Variants in EIF3A observed in about 807,000 individuals in gnomAD.
EIF3A encodes the protein eukaryotic translation initiation factor 3 subunit A, also known as EIF3, p180 subunit.
A neutral mutation model predicts 186.6 loss-of-function variants in EIF3A; 21 were observed. That is an observed-to-expected ratio of 0.11 (90% confidence interval 0.08 to 0.16). The LOEUF is 0.16. Among genes scored for constraint, EIF3A ranks in the 10% least tolerant of loss-of-function variants. The pLI is 1.00. For missense variants in EIF3A, 1,306 were observed against 1,796.3 expected, an observed-to-expected ratio of 0.73 and a Z score of 4.93; for synonymous variants, 563 against 584.3, an observed-to-expected ratio of 0.96 and a Z score of 0.52.
chr10:119,079,414 G>T (rs1228364939), intron 1 of EIF3A, among the ~76,000 whole-genome samples: 1 of 152,152 alleles, frequency 6.6e-6, no homozygotes, highest in Non-Finnish European at 1.5e-5. Flanking sequence ...ATTTTCATAA[G>T]ATGAATTTTC....
Position 119,058,317 on chromosome 10 carries a change from T to G in EIF3A, c.1630-14A>C, listed in dbSNP as rs897612253. On this transcript the variant is annotated splice_polypyrimidine_tract_variant and intron_variant, in intron 11 of 21. Transcript: ENST00000369144. ...TTCTTTCTCTTGCTTCAAAAACAAA[T>G]GAATTTTTTTACATGACCAAAATTA... 4 of 1,528,598 alleles carry G rather than the reference T, an allele frequency of 2.6e-6. 1 individual carries two copies. The Admixed American group carries it at 8.9e-5, about 34-fold the overall frequency. The allele number at this position is 1,528,598 out of a possible 1,614,324, so 94.7% of individuals were successfully genotyped here.
rs1046652937 is a variant in EIF3A, at chr10:119,062,971, G to A, written c.1123-1643C>T. Among the ~76,000 whole-genome samples, 10 of 151,078 alleles carry A rather than the reference G, an allele frequency of 6.6e-5. No homozygotes were observed. The East Asian group carries it at 9.7e-4, about 15-fold the overall frequency. On this transcript the variant is annotated intron_variant, in intron 7 of 21. Coordinates refer to ENST00000369144, the MANE Select transcript of EIF3A (RefSeq NM_003750.4). The stretch of plus-strand genomic sequence containing the variant: ...GGGTTTCACCACGATGGCCAAGCTC[G>A]TTTCAAACTCCTGACCTGAAGTGAT...
At chr10:119,061,473 T>C (rs1353129361) in intron 7 of EIF3A, 145 bp from the exon 8 acceptor site, 4 of 459,262 alleles carry the variant, frequency 8.7e-6, no homozygotes, top group Non-Finnish European at 1.6e-5. Flanking sequence ...TTACCAAAAA[T>C]GAATCCAAAG....
chr10:119,053,309 A>G (rs1463929686), intron 14 of EIF3A, among the ~76,000 whole-genome samples: 1 of 152,158 alleles, frequency 6.6e-6, no homozygotes, highest in East Asian at 1.9e-4. Context: ...ATTAACCCCT[A>G]AACAGTGAGC....
In EIF3A at chr10:119,038,332, C is replaced by G; in HGVS notation, c.3634G>C (p.Asp1212His). The G allele has an allele frequency of 6.2e-7, 1 of 1,614,166 alleles. No individual in the cohort carries two copies. Among genetic ancestry groups the G allele is most frequent in the Non-Finnish European group, 8.5e-7 (1 of 1,180,008 alleles). ...TCATTCTCCTCCCGATCTTGATTAT[C>G]TCTGTCCCTTTCTTTTTCTCTGTCC... ...EWDREKERDR[D>H]NQDREENDKD... Residue 1212 changes from aspartate to histidine, a missense_variant, in exon 20 of 22, where the codon GAT (aspartate) becomes CAT (histidine). This residue lies in a region of EIF3A where 331 missense variants were observed against 365.8 expected (regional missense o/e 0.90). Transcript: ENST00000369144.
At chr10:119,071,132 T>C in intron 4 of EIF3A, 47 bp from the exon 5 acceptor site, 1 of 1,329,450 alleles carries the variant, frequency 7.5e-7, no homozygotes, top group Non-Finnish European at 1.1e-6. Context: ...CACTATCTAC[T>C]TAAATATTTG....
chr10:119,042,310 C>G lies in EIF3A; in HGVS notation c.3210G>C (p.Arg1070Ser), dbSNP rs1487958304. 2 of 1,613,600 alleles carry G rather than the reference C, an allele frequency of 1.2e-6. No homozygotes were observed. Among genetic ancestry groups the G allele is most frequent in the Non-Finnish European group, 1.7e-6 (2 of 1,179,962 alleles). Residue 1070 changes from arginine to serine, a missense_variant, in exon 19 of 22, where the codon AGG becomes AGC. Arg to Ser is a moderately radical substitution (Grantham distance 110). This residue lies in a region of EIF3A where 410 missense variants were observed against 473.5 expected (regional missense o/e 0.87). Transcript: ENST00000369144. This position sits in a 1 kb window ranked among gnomAD's most constrained non-coding sequence, Gnocchi z 7.8. Reference sequence around the variant, plus strand: ...GACCCCGATCATCATCCAACCCTCGCCTGGGACCCCGGTCATCATCAGCAT... The same window carrying G: ...GACCCCGATCATCATCCAACCCTCGGCTGGGACCCCGGTCATCATCAGCAT... ...WRNADDDRGP[R>S]RGLDDDRGPR...
chr10:119,037,379 G>T, intron 20 of EIF3A, 70 bp from the exon 21 acceptor site: 1 of 1,359,250 alleles, frequency 7.4e-7, no homozygotes, highest in Non-Finnish European at 1.0e-6. Flanking sequence ...AGTACATCCA[G>T]TCCAAGCTGG....
chr10:119,052,448 A>C lies in EIF3A; in HGVS notation c.2197-1127T>G, dbSNP rs1368313466. On this transcript the variant is annotated intron_variant, in intron 14 of 21. Coordinates refer to ENST00000369144, the MANE Select transcript of EIF3A (RefSeq NM_003750.4). Reference sequence around the variant, plus strand: ...CACCCAAGCACTGGAGTGCAATGGCACCATCTCAGCTCACTGCAACCTCTG... The same window carrying C: ...CACCCAAGCACTGGAGTGCAATGGCCCCATCTCAGCTCACTGCAACCTCTG... Among the ~76,000 whole-genome samples, 7 of 142,678 alleles carry C rather than the reference A, an allele frequency of 4.9e-5. No homozygotes were observed. In the South Asian group the frequency reaches 1.5e-3, roughly 32 times the overall value. 93.6% of individuals were successfully genotyped at this position (142,678 alleles called of 152,430 possible).
intron 12 of EIF3A, among the ~76,000 whole-genome samples, chr10:119,057,714 G>T (rs1229630766): frequency 6.6e-6 from 1 of 152,178 alleles, no homozygotes; most frequent in East Asian, 1.9e-4. Flanking sequence ...GGCGGAGGTT[G>T]CAGTGAGCTG....
chr10:119,041,735 G>A (rs1408871147), intron 19 of EIF3A, among the ~76,000 whole-genome samples: 1 of 152,198 alleles, frequency 6.6e-6, no homozygotes, highest in Non-Finnish European at 1.5e-5. Flanking sequence ...TACAGGAAGA[G>A]CCTTCAAAGA....
chr10:119,069,280 T>TGCTAAACC, intron 6 of EIF3A, among the ~76,000 whole-genome samples, 166 bp downstream of exon 6: 3 of 152,348 alleles, frequency 2.0e-5, no homozygotes, highest in South Asian at 2.1e-4. Flanking sequence ...GCTGCTAAAC[T>TGCTAAACC]GCTAAACCAC....
At chr10:119,069,129 A>C (rs1361969670) in intron 6 of EIF3A, among the ~76,000 whole-genome samples, 9 of 152,216 alleles carry the variant, frequency 5.9e-5, no homozygotes, top group Non-Finnish European at 1.0e-4. Flanking sequence ...TAGCGGAGTT[A>C]CTTATCACCT....
chr10:119,051,431 T>C (rs759188531), intron 14 of EIF3A, 110 bp from the exon 15 acceptor site: 1 of 1,086,610 alleles, frequency 9.2e-7, no homozygotes, highest in East Asian at 2.7e-5. Context: ...CTGCCCCTTC[T>C]GTCATGCCAT....
intron 7 of EIF3A, 113 bp downstream of exon 7, chr10:119,065,286 A>T: frequency 1.3e-6 from 1 of 780,540 alleles, no homozygotes; most frequent in Non-Finnish European, 2.1e-6. Flanking sequence ...CCCTGTCCAT[A>T]CATCAGAACC....
chr10:119,049,946 T>C lies in EIF3A; in HGVS notation c.2513A>G (p.Glu838Gly), dbSNP rs1848333818. Residue 838 changes from glutamate (E) to glycine (G), a missense_variant, in exon 17 of 22, where the codon GAG (glutamate) becomes GGG (glycine). This residue lies in a region of EIF3A where 410 missense variants were observed against 473.5 expected (regional missense o/e 0.87). Coordinates refer to ENST00000369144, the MANE Select transcript of EIF3A (RefSeq NM_003750.4). ...ERERAERAKREEELREYQERV... is the reference protein window; with the variant it reads ...ERERAERAKRGEELREYQERV... ...CTCCTGATACTCTCGTAGCTCTTCCTCGCGTTTTGCTCGTTCGGCGCGCTC... is the reference window on the plus strand; with the variant it reads ...CTCCTGATACTCTCGTAGCTCTTCCCCGCGTTTTGCTCGTTCGGCGCGCTC... 6.2e-7 allele frequency: 1 copy of C among 1,614,058 alleles called. No homozygotes were observed. Among genetic ancestry groups the C allele is most frequent in the African/African-American group, 1.3e-5 (1 of 74,924 alleles).
chr10:119,048,247 G>A (rs1478404701), intron 17 of EIF3A, among the ~76,000 whole-genome samples: 1 of 151,224 alleles, frequency 6.6e-6, no homozygotes, highest in Non-Finnish European at 1.5e-5. Context: ...CATAGAGGAA[G>A]GTCTGAAGCT....
Position 119,042,579 on chromosome 10 carries a change from C to T in EIF3A, c.2941G>A (p.Gly981Arg), listed in dbSNP as rs752007958. The T allele has an allele frequency of 1.2e-6, 2 of 1,614,164 alleles. No individual in the cohort carries two copies. The highest frequency in any genetic ancestry group is 2.2e-5 in the South Asian group (2 of 91,074). Reference sequence around the variant, plus strand: ...CAGGAAGGCCGGTCATCGTCTGCCCCACGACGAGAGAACCTATCTTCCTCA... The same window carrying T: ...CAGGAAGGCCGGTCATCGTCTGCCCTACGACGAGAGAACCTATCTTCCTCA... ...GPEEDRFSRRGADDDRPSWRN... is the reference protein window; with the variant it reads ...GPEEDRFSRRRADDDRPSWRN... Residue 981 changes from glycine (G) to arginine (R), a missense_variant, in exon 19 of 22, where the codon GGG becomes AGG. This residue lies in a region of EIF3A where 410 missense variants were observed against 473.5 expected (regional missense o/e 0.87). Transcript: ENST00000369144. This position sits in a 1 kb window ranked among gnomAD's most constrained non-coding sequence, Gnocchi z 7.8.
intron 1 of EIF3A, among the ~76,000 whole-genome samples, chr10:119,078,888 C>T (rs992634721): frequency 8.5e-5 from 13 of 152,090 alleles, no homozygotes; most frequent in Admixed American, 1.3e-4. Context: ...GGAAACAAGA[C>T]CCGAACACAC....
Sources: gnomAD v4.1 joint callset for allele counts (sites outside exome capture counted in the v4.1 genomes callset) on GRCh38, gnomAD v4.1.1 for gene constraint, gnomAD v4.1.1 regional missense constraint, Gnocchi (gnomAD v3.1) non-coding constraint, MANE v1.5 for transcripts, NCBI Gene and HGNC (gene_info 2026-07-23, HGNC 2026-07-21) for gene names.